ATXN10: variants seen among roughly 807,000 people sequenced by gnomAD.
ATXN10 encodes the protein ataxin-10.
Under a neutral mutation model 52.9 loss-of-function variants are expected in ATXN10, and 28 were observed. The observed-to-expected ratio is 0.53, with a 90% CI of 0.39 to 0.73. The LOEUF (loss-of-function observed/expected upper bound fraction) is 0.73, where lower values mean the gene tolerates loss of function less well. Among genes scored for constraint, ATXN10 ranks in the 30% least tolerant of loss-of-function variants. The probability of loss-of-function intolerance (pLI) is 0.00; values close to 1 mark genes in which losing one functional copy is unlikely to be tolerated. For synonymous variants in ATXN10, 226 were observed against 221.5 expected (o/e 1.02, Z -0.18); for missense variants, 565 against 577.0 (o/e 0.98, Z 0.21).
intron 10 of ATXN10, among the ~76,000 whole-genome samples, chr22:45,838,492 G>A (rs1049873614): frequency 2.6e-5 from 4 of 152,210 alleles, no homozygotes; most frequent in African/African-American, 7.2e-5. Context: ...CTATGGAAAC[G>A]TTAGAAGCTC....
Position 45,841,626 on chromosome 22 carries a change from A to C in ATXN10, c.1238-1365A>C, listed in dbSNP as rs1275037844. Among the ~76,000 whole-genome samples the C allele has an allele frequency of 1.3e-5, 2 of 152,238 alleles. No homozygotes were observed. The highest frequency in any genetic ancestry group is 4.8e-5 in the African/African-American group (2 of 41,454). On this transcript the variant is annotated intron_variant, in intron 10 of 11. Transcript: ENST00000252934. The surrounding 1 kb of genome is among the most constrained non-coding windows in gnomAD (Gnocchi z 5.1). ...AGCCCCAAAAACACTTCCTGAGCATACAGCTGACTGTGTTTAGTACGTTTC... is the reference window on the plus strand; with the variant it reads ...AGCCCCAAAAACACTTCCTGAGCATCCAGCTGACTGTGTTTAGTACGTTTC...
intron 9 of ATXN10, among the ~76,000 whole-genome samples, chr22:45,755,458 C>T (rs1045661100): frequency 3.3e-5 from 5 of 152,146 alleles, no homozygotes; most frequent in Middle Eastern, 3.2e-3. Flanking sequence ...GTTCTCTGGC[C>T]GTTCTGCCTT....
chr22:45,678,070 GGAGA>G lies in ATXN10; in HGVS notation c.116+5895_116+5898del, dbSNP rs1673228523. 6.6e-6 allele frequency: 1 copy of G among 152,188 alleles called. No individual in the cohort carries two copies. The highest frequency in any genetic ancestry group is 2.1e-4 in the South Asian group (1 of 4,834). The allele number at this position is 152,188 out of a possible 1,614,324, so 9.4% of individuals were successfully genotyped here. A position where few individuals can be genotyped will look rare whatever the true frequency, so the allele number is the denominator to read the frequency against. ...AGTAGATTAGAGGTTACTAGGATTTGGAGAGAGGGGAAATTGGGAGTTACTGCTT... is the reference window on the plus strand; with the variant it reads ...AGTAGATTAGAGGTTACTAGGATTTGGAGGGGAAATTGGGAGTTACTGCTT... On this transcript the variant is annotated intron_variant, in intron 1 of 11. Transcript: ENST00000252934. The surrounding 1 kb of genome is among the most constrained non-coding windows in gnomAD (Gnocchi z 4.1).
chr22:45,778,675 G>C (rs564201236), intron 9 of ATXN10, among the ~76,000 whole-genome samples: 1 of 152,296 alleles, frequency 6.6e-6, no homozygotes, highest in South Asian at 2.1e-4. Flanking sequence ...ATGAAATTAG[G>C]ATTCTCCATT....
At chr22:45,817,322 T>C (rs1473472888) in intron 10 of ATXN10, among the ~76,000 whole-genome samples, 1 of 144,316 alleles carries the variant, frequency 6.9e-6, no homozygotes. Context: ...ATTTAACTTT[T>C]TTTTTTTTTT....
chr22:45,760,296 CTG>C (rs1926337298), intron 9 of ATXN10, among the ~76,000 whole-genome samples: 1 of 152,110 alleles, frequency 6.6e-6, no homozygotes, highest in Non-Finnish European at 1.5e-5. Context: ...ATATGGGACT[CTG>C]TGTATGTCCA....
chr22:45,674,313 G>A (rs1481144947), intron 1 of ATXN10: 1 of 152,314 alleles, frequency 6.6e-6, no homozygotes, highest in Non-Finnish European at 1.5e-5. Context: ...CTGAGTTCTG[G>A]GACAGTGTCC....
At position 45,825,387 on chromosome 22, in the gene ATXN10, T is replaced by C. The variant is rs912626911; in HGVS notation, c.1238-17604T>C. ...ATACTAGGACATTGAAAAATAACTGTATATACAGGGAAAATTAGAAAGTCA... is the reference window on the plus strand; with the variant it reads ...ATACTAGGACATTGAAAAATAACTGCATATACAGGGAAAATTAGAAAGTCA... On this transcript the variant is annotated intron_variant, in intron 10 of 11. Coordinates refer to ENST00000252934, the MANE Select transcript of ATXN10 (RefSeq NM_013236.4). This position sits in a 1 kb window ranked among gnomAD's most constrained non-coding sequence, Gnocchi z 4.5. Among the ~76,000 whole-genome samples the C allele has an allele frequency of 6.6e-6, 1 of 152,108 alleles. No individual in the cohort carries two copies. Among genetic ancestry groups the C allele is most frequent in the Non-Finnish European group, 1.5e-5 (1 of 68,038 alleles).
rs908607918 is a variant in ATXN10, at chr22:45,790,133, G to A, written c.1174-16826G>A. The stretch of plus-strand genomic sequence containing the variant: ...ATTAAAGTCCAATTCTCTTGCCCAT[G>A]TGTGTTCAAATAAATTGAAATTCAA... On this transcript the variant is annotated intron_variant, in intron 9 of 11. Transcript: ENST00000252934. This position sits in a 1 kb window ranked among gnomAD's most constrained non-coding sequence, Gnocchi z 4.7. Among the ~76,000 whole-genome samples, 18 of 152,136 alleles carry A rather than the reference G, an allele frequency of 1.2e-4. No individual in the cohort carries two copies. Among genetic ancestry groups the A allele is most frequent in the African/African-American group, 4.3e-4 (18 of 41,430 alleles).
At chr22:45,693,946 C>T (rs1923484977) in intron 3 of ATXN10, among the ~76,000 whole-genome samples, 1 of 152,180 alleles carries the variant, frequency 6.6e-6, no homozygotes, top group Admixed American at 6.5e-5. Flanking sequence ...GCCATTCAGT[C>T]TGTGGTAAGA....
intron 1 of ATXN10, among the ~76,000 whole-genome samples, chr22:45,685,341 A>G (rs1015358745): frequency 2.6e-5 from 4 of 152,222 alleles, no homozygotes; most frequent in African/African-American, 9.6e-5. Context: ...TCATTTATAC[A>G]TTGTCTTCAG....
intron 6 of ATXN10, among the ~76,000 whole-genome samples, chr22:45,723,410 TGTG>T (rs1451559320): frequency 6.6e-6 from 1 of 151,848 alleles, no homozygotes; most frequent in Non-Finnish European, 1.5e-5. Context: ...TGTATAGTGG[TGTG>T]GTTTTGGTCA....
chr22:45,838,304 G>A (rs1929232925), intron 10 of ATXN10, among the ~76,000 whole-genome samples: 1 of 152,146 alleles, frequency 6.6e-6, no homozygotes. Context: ...TGCTGCCTCG[G>A]CCATTGAGCA....
At position 45,683,426 on chromosome 22, in the gene ATXN10, T is replaced by A. The variant is rs1029353467; in HGVS notation, c.117-6286T>A. On this transcript the variant is annotated intron_variant, in intron 1 of 11. Coordinates refer to ENST00000252934, the MANE Select transcript of ATXN10 (RefSeq NM_013236.4). This position sits in a 1 kb window ranked among gnomAD's most constrained non-coding sequence, Gnocchi z 4.8. ...CCAGGGTGGCTCTGTCTTGTCTCTC[T>A]GAGTCGCACTTCTCTTTTCTCACTG... Among the ~76,000 whole-genome samples the A allele has an allele frequency of 2.0e-5, 3 of 152,168 alleles. No homozygotes were observed. The highest frequency in any genetic ancestry group is 4.4e-5 in the Non-Finnish European group (3 of 68,022).
rs756298900 is a variant in ATXN10, at chr22:45,841,163, A to G, written c.1238-1828A>G. Among the ~76,000 whole-genome samples, 11 of 152,266 alleles carry G rather than the reference A, an allele frequency of 7.2e-5. No individual in the cohort carries two copies. Among genetic ancestry groups the G allele is most frequent in the Non-Finnish European group, 1.3e-4 (9 of 68,044 alleles). ...GTTTAATGCCTTTGAATATTTGAAT[A>G]GATTCTGTCTCCAGAAAGGAAATGC... On this transcript the variant is annotated intron_variant, in intron 10 of 11. Transcript: ENST00000252934. This position sits in a 1 kb window ranked among gnomAD's most constrained non-coding sequence, Gnocchi z 5.1.
intron 1 of ATXN10, chr22:45,675,795 T>C (rs1414497469): frequency 1.3e-5 from 2 of 152,232 alleles, no homozygotes; most frequent in Non-Finnish European, 2.9e-5. Flanking sequence ...CAGTCTTAAT[T>C]CTCCATGCTG....
rs1450317714 is a variant in ATXN10, at chr22:45,844,375, A to G, written c.*704A>G. On this transcript the variant is annotated 3_prime_UTR_variant, in exon 12 of 12. Transcript: ENST00000252934. ...CAAGGTGAATGCCTGTGTCCTCCCC[A>G]GCTTCATGCCTCTGTCATGGGGGAA... 1 of 152,514 alleles carries G rather than the reference A, an allele frequency of 6.6e-6. No individual in the cohort carries two copies. The highest frequency in any genetic ancestry group is 2.4e-5 in the African/African-American group (1 of 41,414). 9.4% of individuals were successfully genotyped at this position (152,514 alleles called of 1,614,324 possible).
At chr22:45,811,482 C>T (rs768080834) in intron 10 of ATXN10, among the ~76,000 whole-genome samples, 27 of 152,292 alleles carry the variant, frequency 1.8e-4, no homozygotes, top group Middle Eastern at 3.4e-3. Context: ...TGTATTTTTA[C>T]TGTACCTCTT....
At chr22:45,706,831 T>C (rs1414493485) in intron 5 of ATXN10, among the ~76,000 whole-genome samples, 1 of 152,196 alleles carries the variant, frequency 6.6e-6, no homozygotes, top group Non-Finnish European at 1.5e-5. Flanking sequence ...TTGAATAGAA[T>C]GTGTATGCTG....
Sources: allele counts gnomAD v4.1 joint callset (sites outside exome capture counted in the v4.1 genomes callset), GRCh38; gene constraint gnomAD v4.1.1; non-coding constraint Gnocchi (gnomAD v3.1); transcripts MANE v1.5; gene names NCBI Gene and HGNC (gene_info 2026-07-23, HGNC 2026-07-21).